KDM1A: variants seen among roughly 807,000 people sequenced by gnomAD.
KDM1A encodes the protein lysine demethylase 1A.
KDM1A carries 49 observed loss-of-function variants against 109.4 expected under a neutral mutation model. The ratio of observed to expected loss-of-function variants is 0.45; its 90% CI spans 0.36 to 0.57. The LOEUF (loss-of-function observed/expected upper bound fraction) is 0.57. Ranked by LOEUF, KDM1A falls within the 20% of genes least tolerant of loss-of-function variation. KDM1A has a pLI of 0.00. For synonymous variants in KDM1A, 380 were observed against 415.4 expected (o/e 0.91, Z 1.04); for missense variants, 668 against 1,116.6 (o/e 0.60, Z 5.73).
intron 12 of KDM1A, among the ~76,000 whole-genome samples, chr1:23,069,464 C>A (rs1643255951): frequency 6.6e-6 from 1 of 152,010 alleles, no homozygotes; most frequent in Non-Finnish European, 1.5e-5. Context: ...TCTTGGGCAA[C>A]ACATAAAATA....
rs1343967666 is a variant in KDM1A, at chr1:23,083,564, T to A, written c.*200T>A. On this transcript the variant is annotated 3_prime_UTR_variant, in exon 21 of 21. Coordinates refer to ENST00000400181, the MANE Select transcript of KDM1A (RefSeq NM_001009999.3). ...ACAGGGAGGAACTTGTCCATTAGTT[T>A]GGAATTGTGTTCTTCGTAAAGACTG... 2.2e-6 allele frequency: 1 copy of A among 454,568 alleles called. No individual in the cohort carries two copies. The highest frequency in any genetic ancestry group is 1.9e-5 in the African/African-American group (1 of 51,622). The allele number at this position is 454,568 out of a possible 1,614,324, so 28.2% of individuals were successfully genotyped here.
chr1:23,021,614 C>T (rs577830079), intron 1 of KDM1A, among the ~76,000 whole-genome samples: 1 of 152,220 alleles, frequency 6.6e-6, no homozygotes, highest in African/African-American at 2.4e-5. Flanking sequence ...GCAGTGAGCC[C>T]AGATCGTGCC....
At chr1:23,083,150 G>T in intron 20 of KDM1A, 29 bp from the exon 21 acceptor site, 1 of 1,593,318 alleles carries the variant, frequency 6.3e-7, no homozygotes, top group Non-Finnish European at 8.6e-7. Context: ...TGTGCAGCCT[G>T]CCAATTTTCT....
At chr1:23,057,838 C>G (rs1168441372) in intron 8 of KDM1A, 2 of 218,514 alleles carry the variant, frequency 9.2e-6, no homozygotes, top group Non-Finnish European at 1.7e-5. Flanking sequence ...GAGTCTCGCT[C>G]TGTCACCCAG....
chr1:23,023,165 TTCA>T (rs1172411384), intron 1 of KDM1A, among the ~76,000 whole-genome samples: 1 of 152,192 alleles, frequency 6.6e-6, no homozygotes, highest in African/African-American at 2.4e-5. Flanking sequence ...TTGAGTTGTC[TTCA>T]TCATTTTCTA....
intron 2 of KDM1A, among the ~76,000 whole-genome samples, chr1:23,037,415 A>G: frequency 6.6e-6 from 1 of 152,220 alleles, no homozygotes; most frequent in East Asian, 1.9e-4. Flanking sequence ...AGAACTCAGA[A>G]GTTTTTATTT....
At position 23,081,457 on chromosome 1, in the gene KDM1A, T is replaced by C; in HGVS notation, c.2182T>C (p.Leu728=). 6.2e-7 allele frequency: 1 copy of C among 1,614,178 alleles called. No homozygotes were observed. Among genetic ancestry groups the C allele is most frequent in the Non-Finnish European group, 8.5e-7 (1 of 1,180,000 alleles). ...FWNLYKAPIL[L]ALVAGEAAGI... is the part of the protein sequence containing the mutation. ...TTCTGTTTCCCCAGCTCCAATACTG[T>C]TGGCACTAGTGGCAGGAGAAGCTGC... The change falls in exon 19 of 21, where the codon TTG becomes CTG. Residue 728 remains leucine (L), a synonymous_variant. Transcript: ENST00000400181.
intron 7 of KDM1A, among the ~76,000 whole-genome samples, chr1:23,056,601 A>G (rs1256434385): frequency 6.6e-6 from 1 of 152,052 alleles, no homozygotes; most frequent in Admixed American, 6.6e-5. Flanking sequence ...ATGGCTTTGA[A>G]CTGCTAATTT....
At position 23,033,004 on chromosome 1, in the gene KDM1A, T is replaced by C. The variant is rs1487519960; in HGVS notation, c.517+2370T>C. Among the ~76,000 whole-genome samples the C allele has an allele frequency of 2.0e-5, 3 of 152,130 alleles. No homozygotes were observed. The East Asian group carries it at 5.8e-4, about 29-fold the overall frequency. The stretch of plus-strand genomic sequence containing the variant: ...AACCCCTGCCTCCCGGGTTAAGCAA[T>C]TCTCCTGCCTCAGCCCCCTGAGTAG... On this transcript the variant is annotated intron_variant, in intron 2 of 20. Coordinates refer to ENST00000400181, the MANE Select transcript of KDM1A (RefSeq NM_001009999.3).
At chr1:23,022,607 TG>T (rs1641670688) in intron 1 of KDM1A, among the ~76,000 whole-genome samples, 1 of 150,952 alleles carries the variant, frequency 6.6e-6, no homozygotes, top group African/African-American at 2.4e-5. Context: ...CCCAAAGTGC[TG>T]GGATTACAGG....
chr1:23,065,723 G>A (rs188356096), intron 9 of KDM1A, among the ~76,000 whole-genome samples: 1 of 152,196 alleles, frequency 6.6e-6, no homozygotes, highest in East Asian at 1.9e-4. Context: ...TGATTTTGTT[G>A]TTGTTGTTGT....
At chr1:23,041,435 CTTTTTTTTTTTT>C (rs66720696) in intron 2 of KDM1A, among the ~76,000 whole-genome samples, 5 of 53,006 alleles carry the variant, frequency 9.4e-5, no homozygotes, top group Non-Finnish European at 1.6e-4. Flanking sequence ...TCTTTTCTTG[CTTTTTTTTTTTT>C]TTTTTTTTTT....
At position 23,079,073 on chromosome 1, in the gene KDM1A, CT is replaced by C. The variant is rs1242225620; in HGVS notation, c.1952del (p.Leu651ArgfsTer4). On this transcript the variant is annotated frameshift_variant, in exon 17 of 21. Coordinates refer to ENST00000400181, the MANE Select transcript of KDM1A (RefSeq NM_001009999.3). LOFTEE classifies it high-confidence loss of function. The surrounding 1 kb of genome is among the most constrained non-coding windows in gnomAD (Gnocchi z 5.6). ...CGACGCAGTTCTCTGTACCCTTCCC[CT>C]GGGTGTGCTGAAGCAGCAGCCACCA... ...KCDAVLCTLP[L>X]GVLKQQPPAV... 1.2e-6 allele frequency: 2 copies of C among 1,614,150 alleles called. No homozygotes were observed. Among genetic ancestry groups the C allele is most frequent in the Non-Finnish European group, 1.7e-6 (2 of 1,180,000 alleles).
chr1:23,033,607 T>G (rs1180852655), intron 2 of KDM1A, among the ~76,000 whole-genome samples: 1 of 152,196 alleles, frequency 6.6e-6, no homozygotes, highest in East Asian at 1.9e-4. Flanking sequence ...GTTTAGAAAT[T>G]TTTGCTTTGC....
chr1:23,053,948 A>G (rs1033712894), intron 5 of KDM1A, 109 bp downstream of exon 5: 4 of 679,434 alleles, frequency 5.9e-6, no homozygotes, highest in African/African-American at 3.6e-5. Flanking sequence ...TCATATTTCC[A>G]TGTTATTTCA....
chr1:23,032,933 T>C (rs1384580110), intron 2 of KDM1A, among the ~76,000 whole-genome samples: 2 of 152,240 alleles, frequency 1.3e-5, no homozygotes, highest in Non-Finnish European at 2.9e-5. Flanking sequence ...GGAGTCTCGC[T>C]CTGTCGCCCA....
chr1:23,036,150 C>T (rs1642136288), intron 2 of KDM1A, among the ~76,000 whole-genome samples: 1 of 151,972 alleles, frequency 6.6e-6, no homozygotes, highest in African/African-American at 2.4e-5. Context: ...TTTCTCTCTC[C>T]ATGCCTGCAA....
chr1:23,045,592 G>A (rs902978278), intron 3 of KDM1A, among the ~76,000 whole-genome samples: 1 of 152,068 alleles, frequency 6.6e-6, no homozygotes, highest in Non-Finnish European at 1.5e-5. Flanking sequence ...GATCTTCCAT[G>A]GAACTGTTGA....
In KDM1A at chr1:23,057,800, C is replaced by CTTTTTT. The variant is rs10685820; in HGVS notation, c.1072+249_1072+254dup. ...TAAGTAGATAATGTTGTGTTTGAAG[C>CTTTTTT]TTTTTTTTTTTTTTTTTTTGTGAGA... On this transcript the variant is annotated intron_variant, in intron 8 of 20. Coordinates refer to ENST00000400181, the MANE Select transcript of KDM1A (RefSeq NM_001009999.3). 6.3e-4 allele frequency: 81 copies of CTTTTTT among 127,592 alleles called. 1 individual carries two copies. The highest frequency in any genetic ancestry group is 7.1e-4 in the Non-Finnish European group (49 of 69,202). 7.9% of individuals were successfully genotyped at this position (127,592 alleles called of 1,614,324 possible). A position where few individuals can be genotyped will look rare whatever the true frequency, so the allele number is the denominator to read the frequency against.
Sources: allele counts gnomAD v4.1 joint callset (sites outside exome capture counted in the v4.1 genomes callset), GRCh38; gene constraint gnomAD v4.1.1; non-coding constraint Gnocchi (gnomAD v3.1); transcripts MANE v1.5; gene names NCBI Gene and HGNC (gene_info 2026-07-23, HGNC 2026-07-21).